The following PCDHGA3 variants were observed in gnomAD, a reference collection of about 807,000 sequenced individuals.
PCDHGA3 encodes protocadherin gamma subfamily A, 3.
PCDHGA3 carries 40 observed loss-of-function variants against 58.5 expected under a neutral mutation model. That is an observed-to-expected ratio of 0.68 (90% CI 0.53 to 0.89). The LOEUF is 0.89. PCDHGA3 is among the 40% of genes least tolerant of loss of function. The pLI, the probability that PCDHGA3 is intolerant of heterozygous loss-of-function variation, is 0.00. For synonymous variants in PCDHGA3, 530 were observed against 525.7 expected (o/e 1.01, Z -0.11); for missense variants, 1,223 against 1,195.9 (o/e 1.02, Z -0.33).
At chr5:141,400,654 C>A in intron 1 of PCDHGA3, 1 of 1,142,176 alleles carries the variant, frequency 8.8e-7, no homozygotes, top group Non-Finnish European at 1.3e-6. Context: ...AGCTGTCCTA[C>A]CATTCTTTAA....
Position 141,491,176 on chromosome 5 carries a change from G to A in PCDHGA3, c.2425-3631G>A. The A allele has an allele frequency of 1.2e-6, 2 of 1,614,210 alleles. No homozygotes were observed. The highest frequency in any genetic ancestry group is 8.5e-7 in the Non-Finnish European group (1 of 1,180,024). On this transcript the variant is annotated intron_variant, in intron 1 of 3. Transcript: ENST00000253812. The surrounding 1 kb of genome is among the most constrained non-coding windows in gnomAD (Gnocchi z 6.9). ...TGACTCTGACACCCAGCAGGTGGTG[G>A]TCCTGGTGAGGGACAATGGTGACCC...
At chr5:141,370,902 T>A in intron 1 of PCDHGA3, 1 of 1,614,046 alleles carries the variant, frequency 6.2e-7, no homozygotes, top group South Asian at 1.1e-5. Flanking sequence ...GCTGCAGCAG[T>A]ACTACCTCAG....
intron 2 of PCDHGA3, among the ~76,000 whole-genome samples, chr5:141,496,500 C>T (rs1350421492): frequency 6.6e-6 from 1 of 152,162 alleles, no homozygotes; most frequent in Non-Finnish European, 1.5e-5. Flanking sequence ...ACCCTTGTTG[C>T]CACAAGGACC....
chr5:141,353,859 A>T (rs1019409823), intron 1 of PCDHGA3, among the ~76,000 whole-genome samples: 9 of 152,234 alleles, frequency 5.9e-5, no homozygotes, highest in Non-Finnish European at 2.9e-5. Flanking sequence ...AAACACGTTT[A>T]ATCTACTCTC....
chr5:141,356,202 G>T, intron 1 of PCDHGA3: 1 of 1,607,648 alleles, frequency 6.2e-7, no homozygotes, highest in East Asian at 2.2e-5. Context: ...GCAAGGTACT[G>T]GTGACAGTTC....
intron 1 of PCDHGA3, chr5:141,433,272 C>G (rs1161817377): frequency 8.0e-7 from 1 of 1,252,412 alleles, no homozygotes; most frequent in Non-Finnish European, 1.1e-6. Flanking sequence ...TAGCTCACTG[C>G]AGCCTCAAAC....
intron 1 of PCDHGA3, chr5:141,387,798 G>T: frequency 6.6e-7 from 1 of 1,505,108 alleles, no homozygotes; most frequent in Non-Finnish European, 8.9e-7. Context: ...ACTAAAGTCC[G>T]TTCGGAGATC....
At chr5:141,415,420 G>A in intron 1 of PCDHGA3, 2 of 1,614,226 alleles carry the variant, frequency 1.2e-6, no homozygotes, top group Non-Finnish European at 1.7e-6. Flanking sequence ...GGGCGTGGAC[G>A]GGGTTCGGGC....
intron 1 of PCDHGA3, among the ~76,000 whole-genome samples, chr5:141,453,095 G>T (rs1254113352): frequency 6.6e-6 from 1 of 151,962 alleles, no homozygotes; most frequent in African/African-American, 2.4e-5. Flanking sequence ...TATATTTTCT[G>T]TTGCTTTTTT....
At chr5:141,384,666 C>T in intron 1 of PCDHGA3, 1 of 1,614,220 alleles carries the variant, frequency 6.2e-7, no homozygotes, top group Non-Finnish European at 8.5e-7. Flanking sequence ...ACCTGGTGAC[C>T]AAGGTGGTGG....
At chr5:141,357,195 C>G in intron 1 of PCDHGA3, 1 of 1,613,770 alleles carries the variant, frequency 6.2e-7, no homozygotes. Flanking sequence ...TGGCTGTGGC[C>G]GACAGCATCC....
At chr5:141,475,315 A>G (rs766425496) in intron 1 of PCDHGA3, among the ~76,000 whole-genome samples, 2 of 152,182 alleles carry the variant, frequency 1.3e-5, no homozygotes, top group Non-Finnish European at 2.9e-5. Flanking sequence ...CCTGGTTCTT[A>G]AGAAATGAGA....
intron 1 of PCDHGA3, among the ~76,000 whole-genome samples, chr5:141,482,052 T>G (rs2099551017): frequency 6.7e-6 from 1 of 150,154 alleles, no homozygotes; most frequent in Non-Finnish European, 1.5e-5. Flanking sequence ...GCTGTTGCAT[T>G]CCAGCCTGGG....
At chr5:141,366,647 C>A in intron 1 of PCDHGA3, 1 of 1,614,222 alleles carries the variant, frequency 6.2e-7, no homozygotes, top group Non-Finnish European at 8.5e-7. Context: ...CTTTCCCCAG[C>A]CCAACTACGC....
chr5:141,467,788 A>G (rs2099151778), intron 1 of PCDHGA3, among the ~76,000 whole-genome samples: 1 of 152,020 alleles, frequency 6.6e-6, no homozygotes. Flanking sequence ...CCTCTCAAGT[A>G]GCTGGGACTA....
intron 1 of PCDHGA3, chr5:141,419,810 C>G (rs368168278): frequency 1.7e-5 from 27 of 1,613,946 alleles, no homozygotes; most frequent in Non-Finnish European, 2.1e-5. Context: ...AGATGGAGGA[C>G]AGCCACCCCT....
chr5:141,393,739 A>G (rs1589203711), intron 1 of PCDHGA3: 1 of 1,613,800 alleles, frequency 6.2e-7, no homozygotes, highest in Non-Finnish European at 8.5e-7. Flanking sequence ...AGTCTAGATT[A>G]TGAAGAATGT....
rs367846497 is a variant in PCDHGA3 at position 141,359,217 on chromosome 5, C to A, written c.2424+12760C>A. Among the ~76,000 whole-genome samples, 5 of 152,158 alleles carry A rather than the reference C, an allele frequency of 3.3e-5. No homozygotes were observed. In the East Asian group the frequency reaches 5.8e-4, roughly 18 times the overall value. Reference sequence around the variant, plus strand: ...CAAGTGAATGTTGAGAGACAACTTACATCTGAGGAGAGATTGTTTAAAGTA... The same window carrying A: ...CAAGTGAATGTTGAGAGACAACTTAAATCTGAGGAGAGATTGTTTAAAGTA... On this transcript the variant is annotated intron_variant, in intron 1 of 3. Transcript: ENST00000253812.
rs551396089 is a variant in PCDHGA3, at chr5:141,423,798, A to T, written c.2425-71009A>T. On this transcript the variant is annotated intron_variant, in intron 1 of 3. Coordinates refer to ENST00000253812, the MANE Select transcript of PCDHGA3 (RefSeq NM_018916.4). ...TATTTAGTTCATATATATTTAGAGC[A>T]ATACATGTGAGTTTTACTTTGCCTT... is the stretch of plus-strand genomic sequence containing the variant. 3.3e-6 allele frequency: 4 copies of T among 1,222,280 alleles called. No homozygotes were observed. The South Asian group carries it at 1.1e-4, about 33-fold the overall frequency. 75.7% of individuals were successfully genotyped at this position (1,222,280 alleles called of 1,614,324 possible). A position where few individuals can be genotyped will look rare whatever the true frequency, so the allele number is the denominator to read the frequency against.
Sources: allele counts gnomAD v4.1 joint callset (sites outside exome capture counted in the v4.1 genomes callset), GRCh38; gene constraint gnomAD v4.1.1; non-coding constraint Gnocchi (gnomAD v3.1); transcripts MANE v1.5; gene names NCBI Gene and HGNC (gene_info 2026-07-23, HGNC 2026-07-21).